GLIPR2: variants seen among roughly 807,000 people sequenced by gnomAD.
The protein encoded by GLIPR2 is GLI pathogenesis related 2, also known as Golgi-associated plant pathogenesis-related protein 1.
A neutral mutation model predicts 20.4 loss-of-function variants in GLIPR2; 21 were observed. The observed-to-expected ratio is 1.03, with a 90% CI of 0.73 to 1.48. The LOEUF (loss-of-function observed/expected upper bound fraction) is 1.48. GLIPR2 is among the 40% of genes most tolerant of loss of function. GLIPR2 has a pLI of 0.00. For missense variants in GLIPR2, 205 were observed against 200.1 expected (o/e 1.02, Z -0.15); for synonymous variants, 91 against 80.5 (o/e 1.13, Z -0.70).
At position 36,156,082 on chromosome 9, in the gene GLIPR2, C is replaced by T. The variant is rs562739285; in HGVS notation, c.304+5133C>T. 5.3e-5 allele frequency among the ~76,000 whole-genome samples: 8 copies of T among 152,140 alleles called. No individual in the cohort carries two copies. In the South Asian group the frequency reaches 1.0e-3, roughly 20 times the overall value. ...AAAATTAGCCAGGCATGGTGGCGCACGCCTGTAATCCCAGCTACTTGGGAG... is the reference window on the plus strand; with the variant it reads ...AAAATTAGCCAGGCATGGTGGCGCATGCCTGTAATCCCAGCTACTTGGGAG... On this transcript the variant is annotated intron_variant, in intron 4 of 4. Coordinates refer to ENST00000377960, the MANE Select transcript of GLIPR2 (RefSeq NM_022343.4).
At chr9:36,159,386 C>T (rs1257902565) in intron 4 of GLIPR2, among the ~76,000 whole-genome samples, 1 of 152,226 alleles carries the variant, frequency 6.6e-6, no homozygotes, top group Admixed American at 6.5e-5. Flanking sequence ...GAAGGCAGAA[C>T]TGGAGTCCAA....
At chr9:36,151,047 C>T (rs759130484) in intron 4 of GLIPR2, 98 bp downstream of exon 4, 1 of 794,986 alleles carries the variant, frequency 1.3e-6, no homozygotes, top group Non-Finnish European at 2.2e-6. Context: ...AAAATCAATC[C>T]TTTCCTTCCT....
At chr9:36,155,612 G>A (rs767827001) in intron 4 of GLIPR2, among the ~76,000 whole-genome samples, 3 of 151,920 alleles carry the variant, frequency 2.0e-5, no homozygotes, top group Non-Finnish European at 4.4e-5. Flanking sequence ...AGTTTTAAAT[G>A]GAGTTTAACT....
chr9:36,140,041 G>A (rs2132708789), intron 1 of GLIPR2, among the ~76,000 whole-genome samples: 1 of 152,254 alleles, frequency 6.6e-6, no homozygotes, highest in East Asian at 1.9e-4. Flanking sequence ...GATTTACAGA[G>A]GTTGAGTACC....
At position 36,154,328 on chromosome 9, in the gene GLIPR2, T is replaced by TA. The variant is rs529548133; in HGVS notation, c.304+3380dup. On this transcript the variant is annotated intron_variant, in intron 4 of 4. Transcript: ENST00000377960. ...TTCCTGCCCAAGAGACAACGAGAGATACCAATTTCCTGTGAATCATTCCGG... is the reference window on the plus strand; with the variant it reads ...TTCCTGCCCAAGAGACAACGAGAGATAACCAATTTCCTGTGAATCATTCCGG... Among the ~76,000 whole-genome samples, 247 of 152,238 alleles carry TA rather than the reference T, an allele frequency of 1.6e-3. 2 individuals carry two copies. Among genetic ancestry groups the TA allele is most frequent in the African/African-American group, 5.7e-3 (236 of 41,536 alleles).
At chr9:36,159,162 C>T (rs564538667) in intron 4 of GLIPR2, among the ~76,000 whole-genome samples, 1 of 152,142 alleles carries the variant, frequency 6.6e-6, no homozygotes. Flanking sequence ...AAGCTATATT[C>T]GTAGCTTGAA....
At chr9:36,139,737 G>C (rs1282307135) in intron 1 of GLIPR2, among the ~76,000 whole-genome samples, 3 of 152,190 alleles carry the variant, frequency 2.0e-5, no homozygotes, top group Non-Finnish European at 4.4e-5. Flanking sequence ...AGGCGTTATT[G>C]TAAAATCATC....
intron 1 of GLIPR2, among the ~76,000 whole-genome samples, chr9:36,141,215 G>A (rs1454658653): frequency 6.6e-6 from 1 of 152,212 alleles, no homozygotes; most frequent in Non-Finnish European, 1.5e-5. Flanking sequence ...TATGTATGGG[G>A]AAAGGAGGCA....
chr9:36,162,592 C>G lies in GLIPR2; in HGVS notation c.*70C>G, dbSNP rs1826105649. 4 of 1,491,238 alleles carry G rather than the reference C, an allele frequency of 2.7e-6. No homozygotes were observed. The highest frequency in any genetic ancestry group is 3.7e-6 in the Non-Finnish European group (4 of 1,086,158). 92.4% of individuals were successfully genotyped at this position (1,491,238 alleles called of 1,614,324 possible). A position where few individuals can be genotyped will look rare whatever the true frequency, so the allele number is the denominator to read the frequency against. ...ATGAAGTGCCTAGAACCACCACAAC[C>G]TGGCTGTGCGTCTGTCCCTGTGGGT... On this transcript the variant is annotated 3_prime_UTR_variant, in exon 5 of 5. Transcript: ENST00000377960.
In GLIPR2 at chr9:36,153,069, C is replaced by T. The variant is rs535587910; in HGVS notation, c.304+2120C>T. Reference sequence around the variant, plus strand: ...CTTGAATCTGGGAGGCAGAGGTTGCCGTGAGCGGAGATCGCCCACTCCAGC... The same window carrying T: ...CTTGAATCTGGGAGGCAGAGGTTGCTGTGAGCGGAGATCGCCCACTCCAGC... On this transcript the variant is annotated intron_variant, in intron 4 of 4. Coordinates refer to ENST00000377960, the MANE Select transcript of GLIPR2 (RefSeq NM_022343.4). 2.3e-3 allele frequency among the ~76,000 whole-genome samples: 334 copies of T among 145,786 alleles called. 2 individuals are homozygous for T. The highest frequency in any genetic ancestry group is 5.7e-3 in the African/African-American group (223 of 39,360).
chr9:36,149,615 C>CAGGT (rs1186426176), intron 3 of GLIPR2, among the ~76,000 whole-genome samples: 1 of 152,218 alleles, frequency 6.6e-6, no homozygotes, highest in Non-Finnish European at 1.5e-5. Context: ...GAGCCTTGAG[C>CAGGT]AGGTCCCTCC....
chr9:36,136,767 G>C lies in GLIPR2; in HGVS notation c.-12G>C, dbSNP rs538970941. On this transcript the variant is annotated 5_prime_UTR_variant, in exon 1 of 5. Coordinates refer to ENST00000377960, the MANE Select transcript of GLIPR2 (RefSeq NM_022343.4). The surrounding 1 kb of genome is among the most constrained non-coding windows in gnomAD (Gnocchi z 4.3). Reference sequence around the variant, plus strand: ...CGCAGCCGCGGGGAGCGAGGAGCGCGCGGAGCCGGCCATGGGCAAGTCAGG... The same window carrying C: ...CGCAGCCGCGGGGAGCGAGGAGCGCCCGGAGCCGGCCATGGGCAAGTCAGG... 2,523 of 1,292,478 alleles carry C rather than the reference G, an allele frequency of 2.0e-3. 40 individuals carry two copies. In the African/African-American group the frequency reaches 0.034, roughly 18 times the overall value. The allele number at this position is 1,292,478 out of a possible 1,614,324, so 80.1% of individuals were successfully genotyped here.
At chr9:36,136,570 G>A (rs1824822924), upstream of GLIPR2, 1 of 359,274 alleles carries the variant, frequency 2.8e-6, no homozygotes, top group Non-Finnish European at 4.9e-6. The surrounding 1 kb of genome is among the most constrained non-coding windows in gnomAD (Gnocchi z 4.3). Context: ...CAGTCGCGGA[G>A]CTGCTTCCCA....
intron 1 of GLIPR2, among the ~76,000 whole-genome samples, chr9:36,142,543 G>A (rs773220988): frequency 5.9e-5 from 9 of 152,294 alleles, no homozygotes; most frequent in Middle Eastern, 3.4e-3. Context: ...GTGAGCCTGC[G>A]TCTTCCTCAT....
intron 4 of GLIPR2, among the ~76,000 whole-genome samples, chr9:36,155,844 C>T (rs896090784): frequency 2.0e-5 from 3 of 151,972 alleles, no homozygotes; most frequent in Middle Eastern, 3.2e-3. Context: ...GAGGCCAAGG[C>T]AAGAGGATCC....
At position 36,136,765 on chromosome 9, in the gene GLIPR2, G is replaced by C; in HGVS notation, c.-14G>C. On this transcript the variant is annotated 5_prime_UTR_variant, in exon 1 of 5. Coordinates refer to ENST00000377960, the MANE Select transcript of GLIPR2 (RefSeq NM_022343.4). The surrounding 1 kb of genome is among the most constrained non-coding windows in gnomAD (Gnocchi z 4.3). ...AGCGCAGCCGCGGGGAGCGAGGAGC[G>C]CGCGGAGCCGGCCATGGGCAAGTCA... 7.7e-7 allele frequency: 1 copy of C among 1,290,588 alleles called. No homozygotes were observed. The highest frequency in any genetic ancestry group is 1.5e-5 in the African/African-American group (1 of 64,716). 79.9% of individuals were successfully genotyped at this position (1,290,588 alleles called of 1,614,324 possible).
chr9:36,147,248 A>G (rs2132733894), intron 1 of GLIPR2, among the ~76,000 whole-genome samples: 1 of 152,104 alleles, frequency 6.6e-6, no homozygotes, highest in East Asian at 1.9e-4. Context: ...GGCTTCACCC[A>G]CCCAGCATAG....
At chr9:36,143,289 G>A (rs756525456) in intron 1 of GLIPR2, among the ~76,000 whole-genome samples, 10 of 152,040 alleles carry the variant, frequency 6.6e-5, no homozygotes, top group Non-Finnish European at 1.3e-4. Flanking sequence ...GATACACGTG[G>A]TCCCTTCATC....
chr9:36,138,442 C>G (rs149139572), intron 1 of GLIPR2, among the ~76,000 whole-genome samples: 1 of 152,264 alleles, frequency 6.6e-6, no homozygotes, highest in Non-Finnish European at 1.5e-5. Flanking sequence ...TCAGGCTGGT[C>G]TTGAACTCCT....
Sources: allele counts gnomAD v4.1 joint callset (sites outside exome capture counted in the v4.1 genomes callset), GRCh38; gene constraint gnomAD v4.1.1; non-coding constraint Gnocchi (gnomAD v3.1); transcripts MANE v1.5; gene names NCBI Gene and HGNC (gene_info 2026-07-23, HGNC 2026-07-21).